Variants in GLDC observed in about 807,000 individuals in gnomAD.
GLDC encodes glycine dehydrogenase (decarboxylating), mitochondrial.
GLDC carries 104 observed loss-of-function variants against 121.3 expected under a neutral mutation model. The observed-to-expected ratio is 0.86, with a 90% CI of 0.73 to 1.01. The LOEUF is 1.01. GLDC is among the 50% of genes least tolerant of loss of function. GLDC has a pLI of 0.00. For synonymous variants in GLDC, 546 were observed against 480.6 expected (o/e 1.14, Z -1.78); for missense variants, 1,429 against 1,306.6 (o/e 1.09, Z -1.44).
At chr9:6,639,154 C>T (rs953023318) in intron 2 of GLDC, 39 of 760,628 alleles carry the variant, frequency 5.1e-5, no homozygotes, top group East Asian at 5.1e-4. Flanking sequence ...GCGCCGAAAG[C>T]GAAGAAGGAA....
intron 3 of GLDC, among the ~76,000 whole-genome samples, chr9:6,616,367 G>A (rs187133887): frequency 6.6e-6 from 1 of 152,178 alleles, no homozygotes; most frequent in African/African-American, 2.4e-5. Context: ...GCTAAAGGTA[G>A]AGACCTTTAA....
chr9:6,606,601 G>C lies in GLDC; in HGVS notation c.704C>G (p.Thr235Ser), dbSNP rs765805899. Residue 235 changes from threonine to serine, a missense_variant, in exon 5 of 25, where the codon ACT (threonine) becomes AGT (serine). Thr to Ser is a moderately conservative substitution (Grantham distance 58, BLOSUM62 1). Transcript: ENST00000321612. ...CHPQTIAVVQ[T>S]RAKYTGVLTE... is the part of the protein sequence containing the mutation. Reference sequence around the variant, plus strand: ...GAATCAAATTAATTACTTGGCTCGAGTCTGGACAACAGCTATTGTCTGTGG... The same window carrying C: ...GAATCAAATTAATTACTTGGCTCGACTCTGGACAACAGCTATTGTCTGTGG... The C allele has an allele frequency of 2.0e-5, 32 of 1,585,846 alleles. No individual in the cohort carries two copies. Among genetic ancestry groups the C allele is most frequent in the Middle Eastern group, 1.7e-4 (1 of 6,048 alleles).
intron 21 of GLDC, among the ~76,000 whole-genome samples, chr9:6,544,391 T>C (rs1451565213): frequency 6.6e-6 from 1 of 152,154 alleles, no homozygotes; most frequent in South Asian, 2.1e-4. Context: ...AGTCGCTGTT[T>C]GTCTGATGGA....
chr9:6,601,773 TACC>T (rs1818616175), intron 8 of GLDC, among the ~76,000 whole-genome samples: 1 of 152,068 alleles, frequency 6.6e-6, no homozygotes, highest in Non-Finnish European at 1.5e-5. Context: ...TACAGGAGCA[TACC>T]ACCACTGACG....
chr9:6,632,387 C>T (rs1467670931), intron 2 of GLDC, among the ~76,000 whole-genome samples: 3 of 152,114 alleles, frequency 2.0e-5, no homozygotes, highest in Non-Finnish European at 1.5e-5. Context: ...TTCAGACTTC[C>T]CAAAATTTTA....
At chr9:6,589,862 C>T (rs1482270505) in intron 11 of GLDC, among the ~76,000 whole-genome samples, 1 of 152,182 alleles carries the variant, frequency 6.6e-6, no homozygotes, top group Admixed American at 6.5e-5. Flanking sequence ...CGAGGCCATC[C>T]TGGCTCACAT....
intron 11 of GLDC, among the ~76,000 whole-genome samples, chr9:6,591,517 A>C (rs1240907193): frequency 6.6e-6 from 1 of 152,238 alleles, no homozygotes; most frequent in African/African-American, 2.4e-5. Flanking sequence ...AATGAATATC[A>C]TAATTTTCCA....
At chr9:6,575,046 C>G (rs1393395199) in intron 15 of GLDC, among the ~76,000 whole-genome samples, 1 of 151,844 alleles carries the variant, frequency 6.6e-6, no homozygotes, top group Admixed American at 6.6e-5. Context: ...AAAAACTCTC[C>G]CACTTCTTAG....
chr9:6,536,934 T>C (rs1467511938), intron 22 of GLDC, among the ~76,000 whole-genome samples: 5 of 152,154 alleles, frequency 3.3e-5, no homozygotes, highest in Non-Finnish European at 7.3e-5. Context: ...GGTTTTCACA[T>C]GTAAGGTAGT....
intron 2 of GLDC, among the ~76,000 whole-genome samples, chr9:6,630,957 T>A (rs1205982917): frequency 6.6e-6 from 1 of 152,196 alleles, no homozygotes; most frequent in Non-Finnish European, 1.5e-5. Flanking sequence ...AGGGTTTCAC[T>A]AGCCAAGTCA....
intron 16 of GLDC, among the ~76,000 whole-genome samples, chr9:6,563,055 T>C (rs1817789241): frequency 6.6e-6 from 1 of 151,894 alleles, no homozygotes; most frequent in Non-Finnish European, 1.5e-5. Flanking sequence ...GGATGGGCAA[T>C]GGGGCCAAGA....
rs79253365 is a variant in GLDC, at chr9:6,570,176, A to G, written c.1851-4747T>C. Among the ~76,000 whole-genome samples the G allele has an allele frequency of 1.2e-3, 188 of 152,370 alleles. 2 individuals are homozygous for G. In the East Asian group the frequency reaches 0.033, roughly 27 times the overall value. On this transcript the variant is annotated intron_variant, in intron 15 of 24. Transcript: ENST00000321612. Reference sequence around the variant, plus strand: ...TAATTTATGGTGAACACCAGCAGTCACCAAAACTCCCACTGAATCACATTG... The same window carrying G: ...TAATTTATGGTGAACACCAGCAGTCGCCAAAACTCCCACTGAATCACATTG...
chr9:6,631,794 C>T (rs1278151400), intron 2 of GLDC, among the ~76,000 whole-genome samples: 1 of 152,192 alleles, frequency 6.6e-6, no homozygotes, highest in African/African-American at 2.4e-5. Context: ...GGGCTGGGCA[C>T]AGTGGCTCAT....
chr9:6,619,146 C>CAAAAAAAAAAAAA (rs1162280442), intron 3 of GLDC, among the ~76,000 whole-genome samples: 1 of 60,678 alleles, frequency 1.6e-5, no homozygotes, highest in Non-Finnish European at 3.1e-5. Flanking sequence ...CTGTCTCAGG[C>CAAAAAAAAAAAAA]AAAAAAAAAA....
chr9:6,534,293 A>G (rs200823458), intron 24 of GLDC: 8 of 242,086 alleles, frequency 3.3e-5, no homozygotes, highest in Non-Finnish European at 6.7e-5. Flanking sequence ...ATTACTGCAT[A>G]GATCCATAAA....
chr9:6,622,468 T>C (rs998166549), intron 2 of GLDC, among the ~76,000 whole-genome samples: 10 of 151,722 alleles, frequency 6.6e-5, no homozygotes, highest in South Asian at 2.1e-4. Context: ...GGTCTCCAGC[T>C]CCTAACCGCG....
chr9:6,609,377 G>C (rs1222005300), intron 4 of GLDC, among the ~76,000 whole-genome samples: 1 of 152,146 alleles, frequency 6.6e-6, no homozygotes, highest in Non-Finnish European at 1.5e-5. Context: ...GCACTTCCAT[G>C]TAAGTGCCAT....
At chr9:6,629,943 A>ATATATATATATATATGTG (rs1554650756) in intron 2 of GLDC, among the ~76,000 whole-genome samples, 5 of 80,636 alleles carry the variant, frequency 6.2e-5, no homozygotes, top group African/African-American at 3.3e-4. Context: ...ATATATATAT[A>ATATATATATATATATGTG]TGTATATATA....
At chr9:6,619,349 C>T (rs867503864) in intron 3 of GLDC, among the ~76,000 whole-genome samples, 5 of 152,024 alleles carry the variant, frequency 3.3e-5, no homozygotes, top group Non-Finnish European at 4.4e-5. Flanking sequence ...ATCTCCAACA[C>T]CATGTCTTTT....
Sources: allele counts gnomAD v4.1 joint callset (sites outside exome capture counted in the v4.1 genomes callset), GRCh38; gene constraint gnomAD v4.1.1; transcripts MANE v1.5; gene names NCBI Gene and HGNC (gene_info 2026-07-23, HGNC 2026-07-21).